Variants in TAF3 observed in about 807,000 individuals in gnomAD.
The protein encoded by TAF3 is TATA-box binding protein associated factor 3.
TAF3 carries 7 observed loss-of-function variants against 80.6 expected under a neutral mutation model. The observed-to-expected ratio is 0.09, with a 90% confidence interval of 0.05 to 0.16. The LOEUF is 0.16. Among genes scored for constraint, TAF3 ranks in the 10% least tolerant of loss-of-function variants. TAF3 has a pLI of 1.00. For synonymous variants in TAF3, 444 were observed against 446.1 expected, an observed-to-expected ratio of 1.00 and a Z score of 0.06; for missense variants, 921 against 1,140.2, an observed-to-expected ratio of 0.81 and a Z score of 2.77.
intron 4 of TAF3, among the ~76,000 whole-genome samples, chr10:8,007,582 A>G (rs1302687492): frequency 9.0e-6 from 1 of 111,318 alleles, no homozygotes; most frequent in African/African-American, 3.7e-5. Flanking sequence ...ATATATATAT[A>G]TATATATATA....
chr10:7,928,749 T>A (rs560437236), intron 2 of TAF3, among the ~76,000 whole-genome samples: 1 of 152,328 alleles, frequency 6.6e-6, no homozygotes, highest in African/African-American at 2.4e-5. Flanking sequence ...GCCCTTTCTC[T>A]TATCAAGTAA....
chr10:7,999,190 A>T (rs1053532268), intron 4 of TAF3, among the ~76,000 whole-genome samples: 5 of 152,188 alleles, frequency 3.3e-5, no homozygotes, highest in African/African-American at 1.2e-4. Context: ...AAGTGTTCTC[A>T]CTGCAGTAGT....
chr10:8,002,318 C>T (rs1384780910), intron 4 of TAF3, among the ~76,000 whole-genome samples: 1 of 151,996 alleles, frequency 6.6e-6, no homozygotes, highest in African/African-American at 2.4e-5. Context: ...GTGCTTTATC[C>T]CGTCGCACAT....
intron 4 of TAF3, among the ~76,000 whole-genome samples, chr10:7,978,001 A>C (rs561138711): frequency 6.6e-6 from 1 of 152,234 alleles, no homozygotes; most frequent in Admixed American, 6.5e-5. Flanking sequence ...CTCTTACCTG[A>C]TCCTAATAAG....
chr10:7,863,209 C>G (rs1181820464), intron 2 of TAF3, among the ~76,000 whole-genome samples: 18 of 152,088 alleles, frequency 1.2e-4, no homozygotes, highest in Non-Finnish European at 2.6e-4. Flanking sequence ...AATTTCAAAT[C>G]AATGTATCAT....
intron 2 of TAF3, among the ~76,000 whole-genome samples, chr10:7,953,475 A>G (rs1245943540): frequency 6.6e-6 from 1 of 152,136 alleles, no homozygotes; most frequent in Admixed American, 6.5e-5. Flanking sequence ...CAGTATTCAC[A>G]CTTTACAGAT....
At chr10:7,847,170 T>A (rs1339297246) in intron 2 of TAF3, among the ~76,000 whole-genome samples, 2 of 152,224 alleles carry the variant, frequency 1.3e-5, no homozygotes, top group African/African-American at 4.8e-5. Flanking sequence ...TTTCAGACTC[T>A]GGGTCTTCAG....
chr10:8,004,912 A>G (rs1831977575), intron 4 of TAF3, among the ~76,000 whole-genome samples: 1 of 152,166 alleles, frequency 6.6e-6, no homozygotes. Flanking sequence ...AACATGCACT[A>G]ATTAGACCTT....
intron 2 of TAF3, among the ~76,000 whole-genome samples, chr10:7,927,868 G>A (rs945133287): frequency 6.6e-5 from 10 of 152,178 alleles, no homozygotes; most frequent in Non-Finnish European, 1.5e-4. Context: ...CAGCAACAAG[G>A]AAGTTGCAGA....
intron 2 of TAF3, among the ~76,000 whole-genome samples, chr10:7,915,890 A>G (rs1262995501): frequency 6.6e-6 from 1 of 151,378 alleles, no homozygotes; most frequent in Non-Finnish European, 1.5e-5. Flanking sequence ...AGGCAGGATA[A>G]TTGCTTGAAT....
chr10:7,906,623 CT>C (rs1320559150), intron 2 of TAF3, among the ~76,000 whole-genome samples: 6 of 151,462 alleles, frequency 4.0e-5, no homozygotes, highest in African/African-American at 7.3e-5. Flanking sequence ...GCTCCTTATA[CT>C]TTTTTTTTCT....
At chr10:7,974,698 G>A (rs1440063006) in intron 3 of TAF3, among the ~76,000 whole-genome samples, 9 of 152,276 alleles carry the variant, frequency 5.9e-5, no homozygotes, top group South Asian at 2.1e-4. Context: ...ACAATGAAGT[G>A]AAGATTGAAA....
chr10:7,994,935 A>G (rs1373951187), intron 4 of TAF3, among the ~76,000 whole-genome samples: 7 of 148,868 alleles, frequency 4.7e-5, no homozygotes, highest in Non-Finnish European at 3.0e-5. Context: ...AGATCACACC[A>G]CTGCACTCCA....
At chr10:7,928,760 T>TG (rs1379455744) in intron 2 of TAF3, among the ~76,000 whole-genome samples, 1 of 152,212 alleles carries the variant, frequency 6.6e-6, no homozygotes. Flanking sequence ...TATCAAGTAA[T>TG]GCAGTGGACT....
chr10:8,015,613 C>T lies in TAF3; in HGVS notation c.*862C>T, dbSNP rs1180293847. The T allele has an allele frequency of 3.3e-5, 5 of 152,098 alleles. No individual in the cohort carries two copies. Among genetic ancestry groups the T allele is most frequent in the Non-Finnish European group, 5.9e-5 (4 of 68,036 alleles). The allele number at this position is 152,098 out of a possible 1,614,324, so 9.4% of individuals were successfully genotyped here. A position where few individuals can be genotyped will look rare whatever the true frequency, so the allele number is the denominator to read the frequency against. On this transcript the variant is annotated 3_prime_UTR_variant, in exon 7 of 7. Transcript: ENST00000344293. ...AAATCCACTGTGATTTCAGCCAGGT[C>T]TGTAATGACGCTGGACAGAAACAAG...
intron 2 of TAF3, among the ~76,000 whole-genome samples, chr10:7,895,115 T>C (rs530028846): frequency 1.3e-5 from 2 of 152,334 alleles, no homozygotes; most frequent in South Asian, 4.1e-4. Context: ...TCCGCCTGCC[T>C]CGGCCTCCCA....
intron 1 of TAF3, 111 bp downstream of exon 1, chr10:7,818,986 G>T: frequency 2.7e-6 from 3 of 1,129,202 alleles, no homozygotes; most frequent in Non-Finnish European, 3.5e-6. Flanking sequence ...CCCGCCTCGA[G>T]ATCTGCTGTT....
At chr10:7,840,366 A>G (rs950650845) in intron 2 of TAF3, among the ~76,000 whole-genome samples, 16 of 151,898 alleles carry the variant, frequency 1.1e-4, no homozygotes, top group Admixed American at 5.2e-4. Context: ...GTTAGCCAGG[A>G]TGGTCTCGAT....
intron 2 of TAF3, among the ~76,000 whole-genome samples, chr10:7,958,139 A>C (rs1378983630): frequency 6.6e-6 from 1 of 150,836 alleles, no homozygotes; most frequent in Non-Finnish European, 1.5e-5. Flanking sequence ...ATTCACCTTT[A>C]CCAGTGGTAG....
Sources: allele counts gnomAD v4.1 joint callset (sites outside exome capture counted in the v4.1 genomes callset), GRCh38; gene constraint gnomAD v4.1.1; transcripts MANE v1.5; gene names NCBI Gene and HGNC (gene_info 2026-07-23, HGNC 2026-07-21).